ASAP2: variants seen among roughly 807,000 people sequenced by gnomAD.
ASAP2 encodes arf-GAP with SH3 domain, ANK repeat and PH domain-containing protein 2.
Under a neutral mutation model 131.4 loss-of-function variants are expected in ASAP2, and 45 were observed. The observed-to-expected ratio is 0.34, with a 90% CI of 0.27 to 0.44. The LOEUF is 0.44. Among genes scored for constraint, ASAP2 ranks in the 20% least tolerant of loss-of-function variants. The probability of loss-of-function intolerance (pLI) is 1.00; values close to 1 mark genes in which losing one functional copy is unlikely to be tolerated. For synonymous variants in ASAP2, 510 were observed against 503.0 expected (o/e 1.01, Z -0.19); for missense variants, 1,011 against 1,297.0 (o/e 0.78, Z 3.39).
chr2:9,400,214 C>CCCCCTCCCCTCCTG, intron 25 of ASAP2, 142 bp downstream of exon 25: 1 of 679,248 alleles, frequency 1.5e-6, no homozygotes, highest in East Asian at 3.0e-5. Context: ...TCCCCTCCTG[C>CCCCCTCCCCTCCTG]CCCCTCCCCT....
chr2:9,273,643 A>G (rs1278301993), intron 1 of ASAP2, among the ~76,000 whole-genome samples: 1 of 152,092 alleles, frequency 6.6e-6, no homozygotes, highest in Non-Finnish European at 1.5e-5. Flanking sequence ...GGGAGTGCTG[A>G]TTGGTTGGGT....
chr2:9,225,498 C>T (rs911717269), intron 1 of ASAP2, among the ~76,000 whole-genome samples: 6 of 152,238 alleles, frequency 3.9e-5, no homozygotes, highest in African/African-American at 1.4e-4. Context: ...CCTCTGTGGT[C>T]CCGATTTTAC....
chr2:9,245,836 A>G (rs1258674013), intron 1 of ASAP2, among the ~76,000 whole-genome samples: 1 of 152,208 alleles, frequency 6.6e-6, no homozygotes, highest in African/African-American at 2.4e-5. Flanking sequence ...CTTCGCCACC[A>G]GATCCCCAGT....
chr2:9,333,462 A>G (rs1441715515), intron 7 of ASAP2, among the ~76,000 whole-genome samples: 1 of 152,248 alleles, frequency 6.6e-6, no homozygotes, highest in South Asian at 2.1e-4. Context: ...GTAGGGGATT[A>G]TGGAAGGCCT....
intron 1 of ASAP2, among the ~76,000 whole-genome samples, chr2:9,248,342 T>G (rs1308913015): frequency 6.6e-6 from 1 of 152,178 alleles, no homozygotes; most frequent in Non-Finnish European, 1.5e-5. Context: ...ACCAAGATGG[T>G]TTTTAGAAAA....
intron 17 of ASAP2, among the ~76,000 whole-genome samples, chr2:9,376,569 C>T (rs896267672): frequency 6.6e-6 from 1 of 152,228 alleles, no homozygotes; most frequent in Admixed American, 6.5e-5. Flanking sequence ...GGGGACCTTC[C>T]TGGATCCTTT....
intron 1 of ASAP2, among the ~76,000 whole-genome samples, chr2:9,238,281 T>A (rs1398485905): frequency 2.0e-5 from 3 of 152,266 alleles, no homozygotes; most frequent in Non-Finnish European, 4.4e-5. Context: ...ATGTTATATC[T>A]TGGGCAACTT....
intron 6 of ASAP2, among the ~76,000 whole-genome samples, chr2:9,324,023 C>G (rs1307616061): frequency 6.6e-6 from 1 of 152,226 alleles, no homozygotes; most frequent in Admixed American, 6.5e-5. Flanking sequence ...CTCCCTTGCA[C>G]TGGATGGTAT....
intron 3 of ASAP2, among the ~76,000 whole-genome samples, chr2:9,302,157 T>G (rs948228293): frequency 6.3e-5 from 7 of 111,606 alleles, no homozygotes; most frequent in Non-Finnish European, 9.1e-5. Flanking sequence ...ACAGATGATG[T>G]GAGTTAGAAG....
intron 2 of ASAP2, among the ~76,000 whole-genome samples, chr2:9,280,134 G>A (rs1410121685): frequency 1.3e-5 from 2 of 152,210 alleles, no homozygotes; most frequent in African/African-American, 4.8e-5. Context: ...GTGCTCAGGT[G>A]CAGATAGAGT....
At chr2:9,336,283 G>GTCCC (rs1214539229) in intron 9 of ASAP2, among the ~76,000 whole-genome samples, 1 of 151,900 alleles carries the variant, frequency 6.6e-6, no homozygotes, top group Non-Finnish European at 1.5e-5. Context: ...GATGAAGCAG[G>GTCCC]TCCCTCCCTC....
At chr2:9,238,317 T>C (rs1663698435) in intron 1 of ASAP2, among the ~76,000 whole-genome samples, 2 of 152,230 alleles carry the variant, frequency 1.3e-5, no homozygotes, top group African/African-American at 4.8e-5. Flanking sequence ...AGCCTCAGTT[T>C]CCCCATCTGT....
intron 1 of ASAP2, among the ~76,000 whole-genome samples, chr2:9,254,236 A>AATATATAT (rs34570938): frequency 2.1e-5 from 1 of 47,110 alleles, no homozygotes; most frequent in Non-Finnish European, 3.4e-5. Context: ...AAAAAAAAAA[A>AATATATAT]ATATATATAT....
At chr2:9,399,039 G>A (rs1157669943) in intron 24 of ASAP2, 1 of 152,122 alleles carries the variant, frequency 6.6e-6, no homozygotes. Flanking sequence ...CAAATGGGAG[G>A]GGTCTTTGTT....
rs569670787 is a variant in ASAP2, at chr2:9,257,306, T to A, written c.127-22011T>A. Among the ~76,000 whole-genome samples, 17 of 152,352 alleles carry A rather than the reference T, an allele frequency of 1.1e-4. No homozygotes were observed. The East Asian group carries it at 3.3e-3, about 29-fold the overall frequency. On this transcript the variant is annotated intron_variant, in intron 1 of 27. Transcript: ENST00000281419. ...AAGTCTGAAAGCAGGGACTGTTTTA[T>A]AGTAGTCTCAAACAGTGGTAGGAAG... is the stretch of plus-strand genomic sequence containing the variant.
At chr2:9,295,612 C>T (rs1352435732) in intron 2 of ASAP2, among the ~76,000 whole-genome samples, 1 of 152,192 alleles carries the variant, frequency 6.6e-6, no homozygotes, top group Non-Finnish European at 1.5e-5. Context: ...AGGACTGGAA[C>T]CTAGATCTTC....
chr2:9,351,262 A>G (rs1672312771), intron 12 of ASAP2, among the ~76,000 whole-genome samples: 1 of 152,246 alleles, frequency 6.6e-6, no homozygotes, highest in African/African-American at 2.4e-5. Flanking sequence ...TCAAGAACTT[A>G]CATAATTTGG....
At chr2:9,357,833 A>G (rs945085136) in intron 14 of ASAP2, among the ~76,000 whole-genome samples, 4 of 152,180 alleles carry the variant, frequency 2.6e-5, no homozygotes, top group African/African-American at 9.7e-5. Context: ...ATGATTTCCT[A>G]CTGACTAAAG....
intron 2 of ASAP2, among the ~76,000 whole-genome samples, chr2:9,286,447 AAT>A (rs1553304561): frequency 2.7e-5 from 4 of 148,420 alleles, no homozygotes; most frequent in Non-Finnish European, 4.4e-5. Flanking sequence ...GAAAAAAAAA[AAT>A]ATATATATAT....
Sources: gnomAD v4.1 joint callset for allele counts (sites outside exome capture counted in the v4.1 genomes callset) on GRCh38, gnomAD v4.1.1 for gene constraint, MANE v1.5 for transcripts, NCBI Gene and HGNC (gene_info 2026-07-23, HGNC 2026-07-21) for gene names.